CASQ2: variants seen among roughly 807,000 people sequenced by gnomAD.
CASQ2 encodes calsequestrin 2, also known as calsequestrin-2.
In CASQ2, 49 loss-of-function variants were observed where a neutral mutation model predicts 46.5. The ratio of observed to expected loss-of-function variants is 1.05; its 90% CI spans 0.84 to 1.34. The LOEUF (loss-of-function observed/expected upper bound fraction) is 1.34. CASQ2 is among the 40% of genes most tolerant of loss of function. CASQ2 has a pLI of 0.00. For synonymous variants in CASQ2, 174 were observed against 168.5 expected (o/e 1.03, Z -0.25); for missense variants, 486 against 481.3 (o/e 1.01, Z -0.09).
chr1:115,726,968 G>A (rs1183426160), intron 6 of CASQ2, 24 bp downstream of exon 6: 114 of 711,448 alleles, frequency 1.6e-4, no homozygotes, highest in Non-Finnish European at 2.5e-4. Flanking sequence ...CAGGCCCCCA[G>A]CCCCCACATG....
chr1:115,734,048 G>A (rs1421083122), intron 4 of CASQ2, among the ~76,000 whole-genome samples: 2 of 152,198 alleles, frequency 1.3e-5, no homozygotes. Flanking sequence ...AGTGCCGCAA[G>A]CACAGGTGAG....
At chr1:115,721,288 T>C (rs532887341) in intron 7 of CASQ2, among the ~76,000 whole-genome samples, 1 of 152,146 alleles carries the variant, frequency 6.6e-6, no homozygotes, top group African/African-American at 2.4e-5. Flanking sequence ...GAATGACAGA[T>C]CAGCACTGGG....
rs905985075 is a variant in CASQ2 at position 115,705,191 on chromosome 1, C to A, written c.939+1G>T. The A allele has an allele frequency of 3.0e-5, 48 of 1,601,778 alleles. No homozygotes were observed. The highest frequency in any genetic ancestry group is 4.0e-5 in the Non-Finnish European group (47 of 1,168,774). The stretch of plus-strand genomic sequence containing the variant: ...GTGGGGCGCTGGCTGGAGCCACTCA[C>A]CAGAGGAAAGTCGTCCGGGTCGATC... On this transcript the variant is annotated splice_donor_variant, in intron 9 of 10. Coordinates refer to ENST00000261448, the MANE Select transcript of CASQ2 (RefSeq NM_001232.4). LOFTEE classifies it high-confidence loss of function.
chr1:115,756,884 T>C (rs946068295), intron 1 of CASQ2, among the ~76,000 whole-genome samples: 1 of 152,030 alleles, frequency 6.6e-6, no homozygotes, highest in African/African-American at 2.4e-5. Context: ...GAGGCAGAGG[T>C]TGCAGTGAGC....
chr1:115,748,194 T>G (rs539509480), intron 1 of CASQ2, among the ~76,000 whole-genome samples: 1 of 152,232 alleles, frequency 6.6e-6, no homozygotes, highest in Admixed American at 6.5e-5. Context: ...TATAAATCCC[T>G]CTACTTTCTT....
intron 10 of CASQ2, among the ~76,000 whole-genome samples, chr1:115,701,792 T>G (rs1413427538): frequency 6.6e-6 from 1 of 152,250 alleles, no homozygotes; most frequent in African/African-American, 2.4e-5. Context: ...TGTTTTCACT[T>G]GAGCATGTTT....
At position 115,726,996 on chromosome 1, in the gene CASQ2, G is replaced by C. The variant is rs754834466; in HGVS notation, c.733C>G (p.Gln245Glu). 2.2e-6 allele frequency: 3 copies of C among 1,358,676 alleles called. No homozygotes were observed. The highest frequency in any genetic ancestry group is 3.0e-6 in the Non-Finnish European group (3 of 999,966). 84.2% of individuals were successfully genotyped at this position (1,358,676 alleles called of 1,614,324 possible). A position where few individuals can be genotyped will look rare whatever the true frequency, so the allele number is the denominator to read the frequency against. The change falls in exon 6 of 11, where the codon CAA (glutamine) becomes GAA (glutamate). Residue 245 changes from glutamine to glutamate, a missense_variant. By Grantham distance (29) the Gln-to-Glu change is conservative. Transcript: ENST00000261448. The stretch of plus-strand genomic sequence containing the variant: ...CCCACATGCCATCTCAGGCACCTTT[G>C]GTGTTCCTTCACAAACTCCACCAGC... ...EELVEFVKEH[Q>E]RPTLRRLRPE...
chr1:115,756,517 G>A (rs1316117899), intron 1 of CASQ2, among the ~76,000 whole-genome samples: 1 of 152,172 alleles, frequency 6.6e-6, no homozygotes, highest in Non-Finnish European at 1.5e-5. Context: ...TAGGGCTGCT[G>A]AGTAAAGAAA....
intron 5 of CASQ2, among the ~76,000 whole-genome samples, chr1:115,727,461 C>A (rs1162694093): frequency 2.0e-5 from 3 of 152,128 alleles, no homozygotes; most frequent in Non-Finnish European, 4.4e-5. Flanking sequence ...GAAGCAAATG[C>A]CAATGGAGCA....
intron 4 of CASQ2, among the ~76,000 whole-genome samples, chr1:115,737,061 C>T (rs925788879): frequency 6.6e-6 from 1 of 151,948 alleles, no homozygotes; most frequent in African/African-American, 2.4e-5. Flanking sequence ...GATAGAGGAA[C>T]ATAAAGATGG....
At chr1:115,765,551 T>A (rs1649107411) in intron 1 of CASQ2, among the ~76,000 whole-genome samples, 1 of 152,128 alleles carries the variant, frequency 6.6e-6, no homozygotes, top group Non-Finnish European at 1.5e-5. Context: ...TAGGTTGAGA[T>A]CAATTTTTAA....
chr1:115,723,317 C>T (rs1647457045), intron 7 of CASQ2, among the ~76,000 whole-genome samples: 2 of 151,746 alleles, frequency 1.3e-5, no homozygotes, highest in Admixed American at 1.3e-4. Flanking sequence ...ATCTATCTAT[C>T]TATCTATCTA....
rs1654339350 is a variant in CASQ2, at chr1:115,705,710, G to A, written c.839-418C>T. Among the ~76,000 whole-genome samples, 4 of 152,130 alleles carry A rather than the reference G, an allele frequency of 2.6e-5. No individual in the cohort carries two copies. In the South Asian group the frequency reaches 8.3e-4, roughly 32 times the overall value. Reference sequence around the variant, plus strand: ...CTAAGGACCAAGAATGTCTAAGCCTGGACCCTTAGTTTTCTACAACCAGGA... The same window carrying A: ...CTAAGGACCAAGAATGTCTAAGCCTAGACCCTTAGTTTTCTACAACCAGGA... On this transcript the variant is annotated intron_variant, in intron 8 of 10. Transcript: ENST00000261448.
intron 8 of CASQ2, 151 bp downstream of exon 8, chr1:115,717,689 A>C: frequency 2.7e-6 from 2 of 751,742 alleles, no homozygotes; most frequent in East Asian, 2.5e-5. Context: ...TTGAAAACGA[A>C]CTCATACTTA....
In CASQ2 at chr1:115,739,134, T is replaced by G. The variant is rs1054779295; in HGVS notation, c.421-799A>C. Among the ~76,000 whole-genome samples, 9 of 146,784 alleles carry G rather than the reference T, an allele frequency of 6.1e-5. 1 individual carries two copies. The highest frequency in any genetic ancestry group is 2.2e-4 in the African/African-American group (9 of 40,904). On this transcript the variant is annotated intron_variant, in intron 3 of 10. Coordinates refer to ENST00000261448, the MANE Select transcript of CASQ2 (RefSeq NM_001232.4). ...CATTTTCTTTTCTTTCTTTTTGAGA[T>G]GGAGTCATGCTGTGTTGCCCAGGCT...
Position 115,768,453 on chromosome 1 carries a change from CCAT to C in CASQ2, c.86_88del (p.Asp29del). 6.2e-7 allele frequency: 1 copy of C among 1,613,762 alleles called. No individual in the cohort carries two copies. Among genetic ancestry groups the C allele is most frequent in the Non-Finnish European group, 8.5e-7 (1 of 1,179,658 alleles). On this transcript the variant is annotated inframe_deletion, in exon 1 of 11. Coordinates refer to ENST00000261448, the MANE Select transcript of CASQ2 (RefSeq NM_001232.4). ...GGAAAGACTTACCACTCGGTCCTTCCCATCATATGTGGGGAAATTAAGCCCCTC... is the reference window on the plus strand; with the variant it reads ...GGAAAGACTTACCACTCGGTCCTTCCCATATGTGGGGAAATTAAGCCCCTC...
chr1:115,717,803 G>C, intron 8 of CASQ2, 37 bp downstream of exon 8: 4 of 1,484,194 alleles, frequency 2.7e-6, no homozygotes, highest in Non-Finnish European at 3.8e-6. Flanking sequence ...ATCAGTTCTT[G>C]CTAGAGCTGT....
At chr1:115,731,442 GTCAGTAATGGATTCAGTT>G (rs1647780156) in intron 5 of CASQ2, among the ~76,000 whole-genome samples, 1 of 152,176 alleles carries the variant, frequency 6.6e-6, no homozygotes, top group Non-Finnish European at 1.5e-5. Flanking sequence ...AGAACCATAT[GTCAGTAATGGATTCAGTT>G]TCGGCTTCTC....
Position 115,705,222 on chromosome 1 carries a change from G to T in CASQ2, c.909C>A (p.Ile303=), listed in dbSNP as rs1403247171. ...GAAAGTCGTCCGGGTCGATCCACAG[G>T]ATGCTCAGATCGGGGTTGTCAGTAT... is the stretch of plus-strand genomic sequence containing the variant. ...RDNTDNPDLS[I]LWIDPDDFPL... Residue 303 remains isoleucine (I), a synonymous_variant, in exon 9 of 11, where the codon ATC becomes ATA. Coordinates refer to ENST00000261448, the MANE Select transcript of CASQ2 (RefSeq NM_001232.4). 1 of 1,613,838 alleles carries T rather than the reference G, an allele frequency of 6.2e-7. No individual in the cohort carries two copies. Among genetic ancestry groups the T allele is most frequent in the Non-Finnish European group, 8.5e-7 (1 of 1,179,678 alleles).
Sources: allele counts gnomAD v4.1 joint callset (sites outside exome capture counted in the v4.1 genomes callset), GRCh38; gene constraint gnomAD v4.1.1; transcripts MANE v1.5; gene names NCBI Gene and HGNC (gene_info 2026-07-23, HGNC 2026-07-21).